Variants in MKLN1 observed in about 807,000 individuals in gnomAD.
The protein encoded by MKLN1 is muskelin.
MKLN1 carries 18 observed loss-of-function variants against 99.0 expected under a neutral mutation model. The ratio of observed to expected loss-of-function variants is 0.18; its 90% confidence interval spans 0.13 to 0.27. The LOEUF (loss-of-function observed/expected upper bound fraction) is 0.27. MKLN1 is among the 10% of genes least tolerant of loss of function. The pLI, the probability that MKLN1 is intolerant of heterozygous loss-of-function variation, is 1.00. For missense variants in MKLN1, 621 were observed against 875.9 expected (o/e 0.71, Z 3.67); for synonymous variants, 288 against 293.2 (o/e 0.98, Z 0.18).
At chr7:131,346,754 A>G (rs892944509) in intron 1 of MKLN1, among the ~76,000 whole-genome samples, 42 of 152,378 alleles carry the variant, frequency 2.8e-4, no homozygotes, top group African/African-American at 9.1e-4. Flanking sequence ...CTCCTAGGTT[A>G]TAAAATAATC....
At chr7:131,437,065 AT>A (rs1241557752) in intron 9 of MKLN1, among the ~76,000 whole-genome samples, 2 of 151,536 alleles carry the variant, frequency 1.3e-5, no homozygotes, top group African/African-American at 4.8e-5. Flanking sequence ...TAGAGATTTT[AT>A]TTTTTTTATT....
chr7:131,110,706 C>T (rs1795181062), intron 1 of MKLN1, among the ~76,000 whole-genome samples: 1 of 152,236 alleles, frequency 6.6e-6, no homozygotes, highest in Non-Finnish European at 1.5e-5. Flanking sequence ...GGAAGAAGAA[C>T]TTCATTCCCC....
intron 2 of MKLN1, among the ~76,000 whole-genome samples, chr7:131,377,576 T>C (rs1251066307): frequency 6.6e-6 from 1 of 152,180 alleles, no homozygotes; most frequent in African/African-American, 2.4e-5. Flanking sequence ...ATTAATGATC[T>C]TTTCTGAAAA....
chr7:131,400,129 T>A (rs1473055832), intron 6 of MKLN1, among the ~76,000 whole-genome samples: 2 of 152,072 alleles, frequency 1.3e-5, no homozygotes, highest in Non-Finnish European at 2.9e-5. Flanking sequence ...ATAAAACTTG[T>A]GGAATTGAAT....
At chr7:131,429,007 T>C in intron 8 of MKLN1, 26 bp from the exon 9 acceptor site, 1 of 1,577,030 alleles carries the variant, frequency 6.3e-7, no homozygotes, top group Non-Finnish European at 8.7e-7. Context: ...CTTTTTTTTT[T>C]ACACATATTT....
chr7:131,310,129 T>C (rs1222699121), intron 3 of MKLN1: 1 of 152,232 alleles, frequency 6.6e-6, no homozygotes, highest in Non-Finnish European at 1.5e-5. Context: ...ATTATTAAGC[T>C]ATAGGATATG....
chr7:131,234,386 G>A (rs545192779), intron 3 of MKLN1, among the ~76,000 whole-genome samples: 6 of 152,124 alleles, frequency 3.9e-5, no homozygotes, highest in African/African-American at 7.2e-5. Context: ...TCTGTTTAAC[G>A]TGTGAATGTC....
intron 3 of MKLN1, among the ~76,000 whole-genome samples, chr7:131,244,648 GTA>G (rs1180286054): frequency 1.3e-5 from 2 of 152,340 alleles, no homozygotes; most frequent in East Asian, 3.9e-4. Flanking sequence ...CAGACAGCAA[GTA>G]GAGTTACAGT....
chr7:131,168,515 G>C (rs1194359606), intron 2 of MKLN1, among the ~76,000 whole-genome samples: 2 of 152,064 alleles, frequency 1.3e-5, no homozygotes, highest in African/African-American at 2.4e-5. Flanking sequence ...AGCTACCCCT[G>C]TCCCCACTGG....
At chr7:131,419,382 C>G (rs1795125763) in intron 8 of MKLN1, among the ~76,000 whole-genome samples, 3 of 151,078 alleles carry the variant, frequency 2.0e-5, no homozygotes, top group South Asian at 4.2e-4. Context: ...TCCCGAGTAG[C>G]TGGGATTACA....
At chr7:131,165,347 G>A (rs1377028352) in intron 2 of MKLN1, among the ~76,000 whole-genome samples, 1 of 152,078 alleles carries the variant, frequency 6.6e-6, no homozygotes, top group East Asian at 1.9e-4. Flanking sequence ...TACCATGCCT[G>A]GCTAATTTTT....
chr7:131,112,164 A>T (rs1321548290), intron 1 of MKLN1, among the ~76,000 whole-genome samples: 1 of 152,248 alleles, frequency 6.6e-6, no homozygotes, highest in Non-Finnish European at 1.5e-5. Flanking sequence ...AAGATGTATA[A>T]TGGCATCGAT....
chr7:131,266,204 G>T (rs1342144456), intron 3 of MKLN1, among the ~76,000 whole-genome samples: 2 of 150,288 alleles, frequency 1.3e-5, no homozygotes, highest in East Asian at 2.0e-4. Context: ...AAATCAAATT[G>T]GTTGTGTGTG....
intron 2 of MKLN1, among the ~76,000 whole-genome samples, chr7:131,172,330 T>C (rs1796227775): frequency 6.6e-6 from 1 of 151,230 alleles, no homozygotes; most frequent in Non-Finnish European, 1.5e-5. Flanking sequence ...TTTTTTTTCT[T>C]TTTGAGATGG....
chr7:131,415,116 G>GT lies in MKLN1; in HGVS notation c.847+417dup, dbSNP rs77006965. Among the ~76,000 whole-genome samples, 727 of 144,346 alleles carry GT rather than the reference G, an allele frequency of 5.0e-3. 3 individuals are homozygous for GT. The highest frequency in any genetic ancestry group is 0.012 in the African/African-American group (479 of 39,694). 94.7% of individuals were successfully genotyped at this position (144,346 alleles called of 152,430 possible). On this transcript the variant is annotated intron_variant, in intron 8 of 17. Coordinates refer to ENST00000352689, the MANE Select transcript of MKLN1 (RefSeq NM_013255.5). ...TAGTTGTTGTTTTTTGTTTGGTTTT[G>GT]TTTTTTTTTTTCCTGTCTTTTAAAT...
chr7:131,287,849 T>G (rs1212148320), intron 3 of MKLN1, among the ~76,000 whole-genome samples: 1 of 152,138 alleles, frequency 6.6e-6, no homozygotes, highest in African/African-American at 2.4e-5. Flanking sequence ...GAGTGAGTTC[T>G]CATGAGATCT....
intron 2 of MKLN1, among the ~76,000 whole-genome samples, chr7:131,171,301 T>C (rs1796211579): frequency 6.6e-6 from 1 of 152,000 alleles, no homozygotes. Flanking sequence ...AAAAACTGTA[T>C]AGGTTTATTA....
chr7:131,472,861 T>C (rs1317912309), intron 16 of MKLN1, among the ~76,000 whole-genome samples: 1 of 149,816 alleles, frequency 6.7e-6, no homozygotes, highest in Admixed American at 6.8e-5. Flanking sequence ...TGAGGTAGAA[T>C]TGCATGAACC....
At chr7:131,383,969 A>T (rs750557516) in intron 2 of MKLN1, among the ~76,000 whole-genome samples, 1 of 152,186 alleles carries the variant, frequency 6.6e-6, no homozygotes, top group Admixed American at 6.5e-5. Flanking sequence ...TGTTAATCAG[A>T]TCATAGCTTT....
Sources: allele counts gnomAD v4.1 joint callset (sites outside exome capture counted in the v4.1 genomes callset), GRCh38; gene constraint gnomAD v4.1.1; transcripts MANE v1.5; gene names NCBI Gene and HGNC (gene_info 2026-07-23, HGNC 2026-07-21).